Variants in FAR1 observed in about 807,000 individuals in gnomAD.
FAR1 encodes male sterility domain-containing protein 2.
In FAR1, 22 loss-of-function variants were observed where a neutral mutation model predicts 61.1. The observed-to-expected ratio is 0.36, with a 90% CI of 0.26 to 0.51. The LOEUF (loss-of-function observed/expected upper bound fraction) is 0.51. Among genes scored for constraint, FAR1 ranks in the 20% least tolerant of loss-of-function variants. The pLI, the probability that FAR1 is intolerant of heterozygous loss-of-function variation, is 0.95. For synonymous variants in FAR1, 206 were observed against 209.7 expected (o/e 0.98, Z 0.15); for missense variants, 359 against 626.9 (o/e 0.57, Z 4.56).
chr11:13,680,757 A>G (rs1466793016), intron 1 of FAR1, among the ~76,000 whole-genome samples: 1 of 152,084 alleles, frequency 6.6e-6, no homozygotes, highest in Non-Finnish European at 1.5e-5. Context: ...ACATGACCCA[A>G]ACACCTCCCA....
intron 1 of FAR1, among the ~76,000 whole-genome samples, chr11:13,671,828 G>A (rs1848008190): frequency 6.6e-6 from 1 of 152,184 alleles, no homozygotes; most frequent in South Asian, 2.1e-4. Flanking sequence ...AGGCACTGTA[G>A]TAAGTGCTGG....
chr11:13,690,623 C>A (rs954780210), intron 1 of FAR1, among the ~76,000 whole-genome samples: 1 of 152,138 alleles, frequency 6.6e-6, no homozygotes, highest in Non-Finnish European at 1.5e-5. Context: ...TGTCCCAATA[C>A]CACATTCCTG....
intron 2 of FAR1, among the ~76,000 whole-genome samples, chr11:13,696,034 T>C (rs533079449): frequency 2.7e-4 from 41 of 152,302 alleles, no homozygotes; most frequent in African/African-American, 8.2e-4. Context: ...TTTGCTTCCC[T>C]TAAAACCTAC....
At position 13,710,231 on chromosome 11, in the gene FAR1, T is replaced by G. The variant is rs191731603; in HGVS notation, c.546-462T>G. ...CATTAGGTGGTTATATACAGATCTG[T>G]ATTTCCTAACCTGCAAACTTCCAGA... On this transcript the variant is annotated intron_variant, in intron 4 of 11. Coordinates refer to ENST00000354817, the MANE Select transcript of FAR1 (RefSeq NM_032228.6). Among the ~76,000 whole-genome samples the G allele has an allele frequency of 1.1e-4, 17 of 152,212 alleles. 1 individual carries two copies. The Middle Eastern group carries it at 0.01, about 91-fold the overall frequency.
chr11:13,727,594 A>G lies in FAR1; in HGVS notation c.1296A>G (p.Glu432=), dbSNP rs1264213864. ...NIDVRQLHWA[E]YIENYCLGTK... ...ATGTACGGCAGTTACATTGGGCAGA[A>G]TATATAGAGAACTACTGCTTGGGAA... The change falls in exon 11 of 12, where the codon GAA becomes GAG. Residue 432 remains glutamate, a synonymous_variant. Transcript: ENST00000354817. The G allele has an allele frequency of 6.2e-7, 1 of 1,610,774 alleles. No homozygotes were observed. The highest frequency in any genetic ancestry group is 8.5e-7 in the Non-Finnish European group (1 of 1,177,708).
intron 1 of FAR1, among the ~76,000 whole-genome samples, chr11:13,679,092 G>A (rs61881759): frequency 0.09 from 13,651 of 152,110 alleles, 702 homozygotes; most frequent in South Asian, 0.13. Context: ...GGTATATTGT[G>A]AAGTCAAATT....
At chr11:13,689,392 A>G (rs1209563437) in intron 1 of FAR1, among the ~76,000 whole-genome samples, 1 of 152,168 alleles carries the variant, frequency 6.6e-6, no homozygotes, top group Non-Finnish European at 1.5e-5. Context: ...AAATGGCATC[A>G]TATAGTAGTA....
chr11:13,699,118 C>A (rs773825277), intron 2 of FAR1, among the ~76,000 whole-genome samples: 1 of 152,056 alleles, frequency 6.6e-6, no homozygotes, highest in African/African-American at 2.4e-5. Context: ...TTGTCCCTAA[C>A]ACACACACAC....
chr11:13,677,624 C>G (rs144159943), intron 1 of FAR1, among the ~76,000 whole-genome samples: 188 of 152,316 alleles, frequency 1.2e-3, no homozygotes, highest in African/African-American at 4.4e-3. Context: ...TGTGGAAAGG[C>G]TGGCTGGGGC....
At chr11:13,692,782 T>C (rs570493278) in intron 1 of FAR1, among the ~76,000 whole-genome samples, 2 of 152,190 alleles carry the variant, frequency 1.3e-5, no homozygotes, top group African/African-American at 4.8e-5. Flanking sequence ...ATTTGTTTCC[T>C]TTTTTAGTAA....
chr11:13,723,266 G>GACTC (rs1848631828), intron 10 of FAR1: 1 of 323,278 alleles, frequency 3.1e-6, no homozygotes, highest in South Asian at 2.4e-5. Flanking sequence ...TCAGGAGGCT[G>GACTC]AGGTGGGAGG....
chr11:13,720,914 C>T (rs1848604251), intron 9 of FAR1: 1 of 151,860 alleles, frequency 6.6e-6, no homozygotes, highest in South Asian at 2.1e-4. Flanking sequence ...TGTTACTGCT[C>T]AAGTTAGTGT....
At chr11:13,714,442 A>ATTT in intron 8 of FAR1, 67 bp from the exon 9 acceptor site, 1 of 1,249,552 alleles carries the variant, frequency 8.0e-7, no homozygotes, top group Non-Finnish European at 1.1e-6. Context: ...TAAAAACATG[A>ATTT]TTTTTTTTTT....
Position 13,708,444 on chromosome 11 carries a change from C to CGT in FAR1, c.545+366_545+367insTG, listed in dbSNP as rs1555063883. On this transcript the variant is annotated intron_variant, in intron 4 of 11. Coordinates refer to ENST00000354817, the MANE Select transcript of FAR1 (RefSeq NM_032228.6). ...CACCCCATATACATGTGCGCGCGCG[C>CGT]GCGCACACACACACACACACACACA... 9.3e-4 allele frequency among the ~76,000 whole-genome samples: 87 copies of CGT among 93,944 alleles called. No individual in the cohort carries two copies. The Middle Eastern group carries it at 0.019, about 21-fold the overall frequency. 61.6% of individuals were successfully genotyped at this position (93,944 alleles called of 152,430 possible).
At chr11:13,727,781 A>C in intron 11 of FAR1, 98 bp downstream of exon 11, 1 of 1,104,622 alleles carries the variant, frequency 9.1e-7, no homozygotes, top group Non-Finnish European at 1.3e-6. Context: ...TCTGTCATTC[A>C]AAGATGCAGA....
chr11:13,720,908 A>C (rs187034982), intron 9 of FAR1: 111 of 152,208 alleles, frequency 7.3e-4, no homozygotes, highest in African/African-American at 2.6e-3. Flanking sequence ...TATAGATGTT[A>C]CTGCTCAAGT....
At chr11:13,688,620 G>A (rs7940404) in intron 1 of FAR1, among the ~76,000 whole-genome samples, 2,102 of 152,038 alleles carry the variant, frequency 0.014, 47 homozygotes, top group African/African-American at 0.049. Flanking sequence ...GTACCTAGTA[G>A]GCCCTTAATA....
chr11:13,670,544 G>A (rs1359619939), intron 1 of FAR1, among the ~76,000 whole-genome samples: 3 of 152,052 alleles, frequency 2.0e-5, no homozygotes, highest in Admixed American at 6.6e-5. Flanking sequence ...CATCCGCCTC[G>A]GCCTCCCAAA....
At chr11:13,711,378 A>G (rs1003140510) in intron 5 of FAR1, among the ~76,000 whole-genome samples, 2 of 152,156 alleles carry the variant, frequency 1.3e-5, no homozygotes, top group African/African-American at 4.8e-5. Context: ...TCTCTGTTTT[A>G]TTCATAATTT....
Sources: allele counts gnomAD v4.1 joint callset (sites outside exome capture counted in the v4.1 genomes callset), GRCh38; gene constraint gnomAD v4.1.1; transcripts MANE v1.5; gene names NCBI Gene and HGNC (gene_info 2026-07-23, HGNC 2026-07-21).